Variants in CDK6 observed in about 807,000 individuals in gnomAD.
CDK6 encodes cyclin-dependent kinase 6.
CDK6 carries 6 observed loss-of-function variants against 37.1 expected under a neutral mutation model. That is an observed-to-expected ratio of 0.16 (90% confidence interval 0.09 to 0.32). The LOEUF (loss-of-function observed/expected upper bound fraction) is 0.32, where lower values mean the gene tolerates loss of function less well. Among genes scored for constraint, CDK6 ranks in the 10% least tolerant of loss-of-function variants. CDK6 has a pLI of 1.00. For synonymous variants in CDK6, 160 were observed against 161.3 expected, an observed-to-expected ratio of 0.99 and a Z score of 0.06; for missense variants, 224 against 418.9, an observed-to-expected ratio of 0.53 and a Z score of 4.06.
chr7:92,754,900 G>C (rs1799274894), intron 3 of CDK6, among the ~76,000 whole-genome samples: 1 of 152,136 alleles, frequency 6.6e-6, no homozygotes, highest in African/African-American at 2.4e-5. Context: ...TTTGAGCTGA[G>C]GAGGAGTTTA....
intron 5 of CDK6, among the ~76,000 whole-genome samples, chr7:92,643,596 G>T (rs1796369081): frequency 6.6e-6 from 1 of 152,242 alleles, no homozygotes; most frequent in African/African-American, 2.4e-5. Flanking sequence ...GGATGAAACA[G>T]AGGAGGCAGG....
At chr7:92,763,988 G>A (rs1484136381) in intron 3 of CDK6, among the ~76,000 whole-genome samples, 2 of 151,912 alleles carry the variant, frequency 1.3e-5, no homozygotes, top group Non-Finnish European at 2.9e-5. Flanking sequence ...AAAGCATAGT[G>A]TTTACAAAGC....
rs10215534 is a variant in CDK6 at position 92,611,164 on chromosome 7, T to C, written c.*3976A>G. 12,054 of 226,836 alleles carry C rather than the reference T, an allele frequency of 0.053. 1,420 individuals carry two copies. Among genetic ancestry groups the C allele is most frequent in the African/African-American group, 0.25 (11,109 of 45,000 alleles). The allele number at this position is 226,836 out of a possible 1,614,324, so 14.1% of individuals were successfully genotyped here. On this transcript the variant is annotated 3_prime_UTR_variant, in exon 8 of 8. Transcript: ENST00000424848. ...TTCCTTTATCTATTGCCCACTGTTTTATGAATAATTTTTAAAGCCTTAGAA... is the reference window on the plus strand; with the variant it reads ...TTCCTTTATCTATTGCCCACTGTTTCATGAATAATTTTTAAAGCCTTAGAA...
chr7:92,648,925 A>G (rs942426129), intron 5 of CDK6, among the ~76,000 whole-genome samples: 6 of 152,166 alleles, frequency 3.9e-5, no homozygotes, highest in African/African-American at 1.4e-4. Flanking sequence ...TACAATTCAT[A>G]ATCATCTTAA....
At chr7:92,804,899 A>G (rs1800684093) in intron 2 of CDK6, among the ~76,000 whole-genome samples, 1 of 152,204 alleles carries the variant, frequency 6.6e-6, no homozygotes. Context: ...CCCCTGGGGA[A>G]CAAATTCACC....
intron 2 of CDK6, among the ~76,000 whole-genome samples, chr7:92,775,161 C>A (rs558476724): frequency 6.6e-6 from 1 of 152,300 alleles, no homozygotes; most frequent in East Asian, 1.9e-4. Flanking sequence ...ATTTCAAAAA[C>A]TTGATGTCTA....
rs1489479502 is a variant in CDK6 at position 92,606,647 on chromosome 7, T to G, written c.*8493A>C. The G allele has an allele frequency of 4.3e-6, 1 of 232,724 alleles. No individual in the cohort carries two copies. Among genetic ancestry groups the G allele is most frequent in the African/African-American group, 2.2e-5 (1 of 45,192 alleles). 14.4% of individuals were successfully genotyped at this position (232,724 alleles called of 1,614,324 possible). On this transcript the variant is annotated 3_prime_UTR_variant, in exon 8 of 8. Transcript: ENST00000424848. ...AAATTTCCAAATTAGATTTTTTTTT[T>G]TTACTTTCAAAACATTTTCTATTAT...
At chr7:92,718,151 C>T (rs756723740) in intron 4 of CDK6, among the ~76,000 whole-genome samples, 6 of 152,152 alleles carry the variant, frequency 3.9e-5, no homozygotes, top group Admixed American at 1.3e-4. Flanking sequence ...CCGGCACAAA[C>T]CCTCCATTGT....
intron 3 of CDK6, among the ~76,000 whole-genome samples, chr7:92,756,422 C>G (rs1240184617): frequency 6.6e-6 from 1 of 152,160 alleles, no homozygotes; most frequent in South Asian, 2.1e-4. Context: ...AAACAAGAAT[C>G]TATTTAATTC....
chr7:92,622,536 G>A (rs1057470808), intron 6 of CDK6, among the ~76,000 whole-genome samples: 51 of 152,034 alleles, frequency 3.4e-4, no homozygotes, highest in Non-Finnish European at 2.9e-5. Context: ...AAAGACTTAG[G>A]GTTCTCATTT....
intron 5 of CDK6, among the ~76,000 whole-genome samples, chr7:92,627,564 T>A (rs1391025823): frequency 6.6e-6 from 1 of 152,106 alleles, no homozygotes; most frequent in African/African-American, 2.4e-5. Flanking sequence ...CTTCCCAGCC[T>A]CCAGAACTGT....
intron 2 of CDK6, among the ~76,000 whole-genome samples, chr7:92,813,694 C>T (rs1183177824): frequency 2.6e-5 from 4 of 152,166 alleles, no homozygotes; most frequent in Non-Finnish European, 5.9e-5. Context: ...CAGAAATATG[C>T]TGACTTCACA....
At chr7:92,707,571 G>A (rs1797995839) in intron 4 of CDK6, among the ~76,000 whole-genome samples, 1 of 152,100 alleles carries the variant, frequency 6.6e-6, no homozygotes, top group Non-Finnish European at 1.5e-5. Context: ...GAGAAACAAG[G>A]GAAGAAATTC....
chr7:92,793,651 G>GA (rs1251037544), intron 2 of CDK6, among the ~76,000 whole-genome samples: 2 of 151,882 alleles, frequency 1.3e-5, no homozygotes, highest in African/African-American at 2.4e-5. Flanking sequence ...AAAACTCTTA[G>GA]AAAAAAACAT....
chr7:92,732,765 T>TA (rs1178581225), intron 3 of CDK6, among the ~76,000 whole-genome samples: 1 of 152,182 alleles, frequency 6.6e-6, no homozygotes, highest in East Asian at 1.9e-4. Flanking sequence ...TCCTCCTTGA[T>TA]AAGAGGTGCA....
Position 92,749,265 on chromosome 7 carries a change from A to C in CDK6, c.370-23472T>G, listed in dbSNP as rs536789702. The stretch of plus-strand genomic sequence containing the variant: ...TGAGCCAGGAGAATTGCCTAGGCCC[A>C]GGAGTTTGAAATTAGCCTGGGCAAC... On this transcript the variant is annotated intron_variant, in intron 3 of 7. Transcript: ENST00000424848. Among the ~76,000 whole-genome samples, 230 of 151,710 alleles carry C rather than the reference A, an allele frequency of 1.5e-3. 2 individuals are homozygous for C. The highest frequency in any genetic ancestry group is 5.1e-3 in the African/African-American group (211 of 41,376).
rs1262756366 is a variant in CDK6, at chr7:92,609,429, GA to G, written c.*5710del. ...TAAGTTGTTATGCTCATATACTTCA[GA>G]CTTTTTTTTTTTAATTAGAGCTTCT... On this transcript the variant is annotated 3_prime_UTR_variant, in exon 8 of 8. Coordinates refer to ENST00000424848, the MANE Select transcript of CDK6 (RefSeq NM_001145306.2). 1.3e-5 allele frequency: 3 copies of G among 228,746 alleles called. No individual in the cohort carries two copies. Among genetic ancestry groups the G allele is most frequent in the Non-Finnish European group, 2.6e-5 (3 of 115,624 alleles). 14.2% of individuals were successfully genotyped at this position (228,746 alleles called of 1,614,324 possible).
intron 4 of CDK6, among the ~76,000 whole-genome samples, chr7:92,687,518 C>A (rs936643609): frequency 9.2e-5 from 14 of 152,294 alleles, no homozygotes; most frequent in Admixed American, 9.1e-4. Context: ...TTGTGTAATT[C>A]TGAAGGTATG....
At chr7:92,729,454 T>C (rs1036266134) in intron 3 of CDK6, among the ~76,000 whole-genome samples, 3 of 152,214 alleles carry the variant, frequency 2.0e-5, no homozygotes, top group Non-Finnish European at 4.4e-5. Flanking sequence ...AACAGTCACT[T>C]GGGACCCTCA....
Sources: gnomAD v4.1 joint callset for allele counts (sites outside exome capture counted in the v4.1 genomes callset) on GRCh38, gnomAD v4.1.1 for gene constraint, MANE v1.5 for transcripts, NCBI Gene and HGNC (gene_info 2026-07-23, HGNC 2026-07-21) for gene names.